DPY19L4: variants seen among roughly 807,000 people sequenced by gnomAD.
DPY19L4 encodes the protein probable C-mannosyltransferase DPY19L4.
In DPY19L4, 97 loss-of-function variants were observed where a neutral mutation model predicts 102.8. That is an observed-to-expected ratio of 0.94 (90% CI 0.80 to 1.12). DPY19L4 has a LOEUF of 1.12. Among genes scored for constraint, DPY19L4 ranks in the 50% most tolerant of loss-of-function variants. The pLI is 0.00. For synonymous variants in DPY19L4, 252 were observed against 283.1 expected, an observed-to-expected ratio of 0.89 and a Z score of 1.10; for missense variants, 815 against 850.4, an observed-to-expected ratio of 0.96 and a Z score of 0.52.
chr8:94,731,932 T>A (rs1810976475), intron 2 of DPY19L4, among the ~76,000 whole-genome samples: 1 of 152,010 alleles, frequency 6.6e-6, no homozygotes, highest in Non-Finnish European at 1.5e-5. Flanking sequence ...CACACCTGGC[T>A]AATTTTGTTT....
At chr8:94,764,468 C>T (rs184347109) in intron 8 of DPY19L4, among the ~76,000 whole-genome samples, 5 of 148,866 alleles carry the variant, frequency 3.4e-5, no homozygotes, top group Admixed American at 6.8e-5. Context: ...CCCAGCTACT[C>T]GGGAGGCTGA....
intron 11 of DPY19L4, among the ~76,000 whole-genome samples, chr8:94,767,165 A>C (rs1161445133): frequency 6.6e-6 from 1 of 152,134 alleles, no homozygotes; most frequent in East Asian, 1.9e-4. Flanking sequence ...AGACATTCTC[A>C]GTCCATCACT....
intron 12 of DPY19L4, among the ~76,000 whole-genome samples, chr8:94,769,586 T>C (rs904401996): frequency 1.3e-5 from 2 of 152,096 alleles, no homozygotes; most frequent in Admixed American, 6.6e-5. Flanking sequence ...GTGCAGTGGC[T>C]TATGCCTGTA....
intron 6 of DPY19L4, among the ~76,000 whole-genome samples, chr8:94,749,927 T>C (rs1811844914): frequency 6.6e-6 from 1 of 152,184 alleles, no homozygotes; most frequent in South Asian, 2.1e-4. Context: ...ATGAAATCAA[T>C]AATTACTATA....
intron 14 of DPY19L4, 56 bp from the exon 15 acceptor site, chr8:94,780,303 C>G: frequency 7.6e-7 from 1 of 1,307,952 alleles, no homozygotes; most frequent in Non-Finnish European, 1.0e-6. Flanking sequence ...TCTATTACCT[C>G]TAACGTGTGT....
chr8:94,758,547 C>G (rs932703845), intron 7 of DPY19L4, among the ~76,000 whole-genome samples: 1 of 152,134 alleles, frequency 6.6e-6, no homozygotes, highest in African/African-American at 2.4e-5. Flanking sequence ...CCTCTGGCAA[C>G]CACTGATCTA....
In DPY19L4 at chr8:94,779,151, A is replaced by T. The variant is rs188864657; in HGVS notation, c.1576-1208A>T. On this transcript the variant is annotated intron_variant, in intron 14 of 18. Transcript: ENST00000414645. ...TGAAGCTTCAATTTATTGAATGTTC[A>T]CTATGTCAGGTACTGTTTGAAGCAT... Among the ~76,000 whole-genome samples the T allele has an allele frequency of 8.6e-5, 13 of 151,814 alleles. No individual in the cohort carries two copies. The East Asian group carries it at 2.1e-3, about 25-fold the overall frequency.
intron 14 of DPY19L4, among the ~76,000 whole-genome samples, chr8:94,778,993 A>G (rs1813308578): frequency 6.6e-6 from 1 of 151,998 alleles, no homozygotes. Flanking sequence ...AGAAATTGGG[A>G]TGTGTCTGCC....
intron 8 of DPY19L4, among the ~76,000 whole-genome samples, chr8:94,764,469 G>A (rs1337211052): frequency 2.7e-5 from 4 of 150,706 alleles, no homozygotes; most frequent in African/African-American, 9.8e-5. Flanking sequence ...CCAGCTACTC[G>A]GGAGGCTGAG....
intron 6 of DPY19L4, among the ~76,000 whole-genome samples, chr8:94,748,696 C>T (rs1811787249): frequency 6.6e-6 from 1 of 152,150 alleles, no homozygotes; most frequent in Admixed American, 6.5e-5. Context: ...CTCCCCATTG[C>T]TTGCATTACT....
In DPY19L4 at chr8:94,776,982, C is replaced by T. The variant is rs6992710; in HGVS notation, c.1455-684C>T. Among the ~76,000 whole-genome samples the T allele has an allele frequency of 6.3e-3, 955 of 151,488 alleles. 12 individuals carry two copies. Among genetic ancestry groups the T allele is most frequent in the African/African-American group, 0.022 (911 of 41,228 alleles). The stretch of plus-strand genomic sequence containing the variant: ...CCGCTTCAAAAAAAAAAAAAAAACC[C>T]TTGTATGTCTATCTTTATACTCTTA... On this transcript the variant is annotated intron_variant, in intron 13 of 18. Coordinates refer to ENST00000414645, the MANE Select transcript of DPY19L4 (RefSeq NM_181787.3).
intron 2 of DPY19L4, among the ~76,000 whole-genome samples, chr8:94,732,099 AT>A (rs1304435678): frequency 6.6e-6 from 1 of 152,118 alleles, no homozygotes; most frequent in Non-Finnish European, 1.5e-5. Context: ...CATTTAGAAT[AT>A]GATTATTTAT....
intron 7 of DPY19L4, among the ~76,000 whole-genome samples, 159 bp from the exon 8 acceptor site, chr8:94,761,541 G>A (rs1383090395): frequency 6.6e-6 from 1 of 152,050 alleles, no homozygotes; most frequent in Non-Finnish European, 1.5e-5. Context: ...GTTTTTGTAA[G>A]GATTTAATAA....
At chr8:94,752,233 C>T (rs1811964258) in intron 6 of DPY19L4, among the ~76,000 whole-genome samples, 1 of 152,068 alleles carries the variant, frequency 6.6e-6, no homozygotes, top group Non-Finnish European at 1.5e-5. Context: ...GGTACCTTTT[C>T]ATGTGTTTAT....
At chr8:94,739,371 A>G (rs1045836630) in intron 4 of DPY19L4, 42 bp from the exon 5 acceptor site, 5 of 1,513,628 alleles carry the variant, frequency 3.3e-6, no homozygotes, top group Non-Finnish European at 4.4e-6. Flanking sequence ...AATTACTGTG[A>G]AGCAGAATAA....
chr8:94,730,582 C>T (rs969347165), intron 2 of DPY19L4, among the ~76,000 whole-genome samples: 6 of 151,238 alleles, frequency 4.0e-5, no homozygotes, highest in African/African-American at 1.5e-4. Flanking sequence ...TCCATCTGTA[C>T]TCAAAATACA....
intron 6 of DPY19L4, among the ~76,000 whole-genome samples, chr8:94,743,503 G>T (rs904490921): frequency 2.0e-5 from 3 of 151,794 alleles, no homozygotes; most frequent in Non-Finnish European, 4.4e-5. Context: ...AAATAGCCAG[G>T]CTTGGTGGTG....
intron 13 of DPY19L4, among the ~76,000 whole-genome samples, chr8:94,771,010 G>A (rs1812909639): frequency 6.6e-6 from 1 of 151,520 alleles, no homozygotes; most frequent in Non-Finnish European, 1.5e-5. Flanking sequence ...CGCCTCCCAG[G>A]TTCAAGCAAT....
At chr8:94,779,529 A>G (rs558754316) in intron 14 of DPY19L4, among the ~76,000 whole-genome samples, 4 of 150,878 alleles carry the variant, frequency 2.7e-5, no homozygotes, top group African/African-American at 7.3e-5. Context: ...GGGTCTCACT[A>G]TGTTGCCCAG....
Sources: gnomAD v4.1 joint callset for allele counts (sites outside exome capture counted in the v4.1 genomes callset) on GRCh38, gnomAD v4.1.1 for gene constraint, MANE v1.5 for transcripts, NCBI Gene and HGNC (gene_info 2026-07-23, HGNC 2026-07-21) for gene names.